The following SLC12A8 variants were observed in gnomAD, a reference collection of about 807,000 sequenced individuals.
The protein encoded by SLC12A8 is cation-chloride cotransporter 9.
SLC12A8 carries 69 observed loss-of-function variants against 75.6 expected under a neutral mutation model. The observed-to-expected ratio is 0.91, with a 90% CI of 0.75 to 1.11. The LOEUF is 1.11. Ranked by LOEUF, SLC12A8 falls within the 50% of genes most tolerant of loss-of-function variation. The pLI, the probability that SLC12A8 is intolerant of heterozygous loss-of-function variation, is 0.00. For missense variants in SLC12A8, 877 were observed against 896.7 expected, an observed-to-expected ratio of 0.98 and a Z score of 0.28; for synonymous variants, 365 against 372.8, an observed-to-expected ratio of 0.98 and a Z score of 0.24.
chr3:125,134,776 C>T (rs1041478875), intron 6 of SLC12A8, among the ~76,000 whole-genome samples: 32 of 152,204 alleles, frequency 2.1e-4, no homozygotes, highest in Non-Finnish European at 3.5e-4. Context: ...CCTTCTTTTT[C>T]TGTCCCTATC....
At chr3:125,193,685 C>T (rs2107798028) in intron 2 of SLC12A8, among the ~76,000 whole-genome samples, 2 of 152,318 alleles carry the variant, frequency 1.3e-5, no homozygotes, top group East Asian at 3.9e-4. Flanking sequence ...ACTGGATTCT[C>T]CTGAGTCTGC....
At chr3:125,169,755 C>G (rs1428052961) in intron 5 of SLC12A8, among the ~76,000 whole-genome samples, 1 of 152,114 alleles carries the variant, frequency 6.6e-6, no homozygotes, top group Non-Finnish European at 1.5e-5. Context: ...TCCAATGAAA[C>G]AACGCAGTTT....
intron 8 of SLC12A8, among the ~76,000 whole-genome samples, chr3:125,115,397 C>A (rs1232600007): frequency 1.3e-5 from 2 of 152,078 alleles, no homozygotes; most frequent in African/African-American, 4.8e-5. Context: ...GTGGCATGTG[C>A]CTGTAATCCC....
At chr3:125,174,073 C>T (rs975835656) in intron 5 of SLC12A8, among the ~76,000 whole-genome samples, 1 of 152,162 alleles carries the variant, frequency 6.6e-6, no homozygotes, top group African/African-American at 2.4e-5. Context: ...GCCTGGGTGA[C>T]AGAACAAGAC....
chr3:125,187,427 C>A lies in SLC12A8; in HGVS notation c.200G>T (p.Gly67Val), dbSNP rs774396530. 1.2e-6 allele frequency: 2 copies of A among 1,613,824 alleles called. No individual in the cohort carries two copies. The highest frequency in any genetic ancestry group is 8.5e-7 in the Non-Finnish European group (1 of 1,179,878). ...VLFLRTGWLVGNTGVLLGMFL... is the reference protein window; with the variant it reads ...VLFLRTGWLVVNTGVLLGMFL... ...CATGCCCAGGAGCACTCCTGTGTTTCCCTGCAGCAGAATAGCAAGGAGCAA... is the reference window on the plus strand; with the variant it reads ...CATGCCCAGGAGCACTCCTGTGTTTACCTGCAGCAGAATAGCAAGGAGCAA... The change falls in exon 4 of 14, where the codon GGA becomes GTA. Residue 67 changes from glycine (G) to valine (V), a missense_variant and splice_region_variant. Transcript: ENST00000469902.
intron 11 of SLC12A8, 34 bp downstream of exon 11, chr3:125,092,067 C>T: frequency 6.6e-7 from 1 of 1,505,760 alleles, no homozygotes; most frequent in Non-Finnish European, 9.2e-7. Context: ...AACTCTGTCC[C>T]AAGAACAACT....
chr3:125,104,858 T>C (rs1221002006), intron 10 of SLC12A8, among the ~76,000 whole-genome samples: 2 of 152,062 alleles, frequency 1.3e-5, no homozygotes, highest in African/African-American at 2.4e-5. Flanking sequence ...GGAATATAAA[T>C]GTAATGGCGT....
chr3:125,180,662 G>C (rs1412718965), intron 4 of SLC12A8, among the ~76,000 whole-genome samples: 1 of 152,154 alleles, frequency 6.6e-6, no homozygotes, highest in African/African-American at 2.4e-5. Flanking sequence ...CCGCACTCCA[G>C]CCTGGGCAGA....
intron 3 of SLC12A8, 114 bp from the exon 4 acceptor site, chr3:125,187,542 G>T: frequency 1.1e-6 from 1 of 921,614 alleles, no homozygotes; most frequent in Non-Finnish European, 1.7e-6. Flanking sequence ...AGGGGCCAGG[G>T]GTGGGGGCAC....
chr3:125,163,443 TA>T lies in SLC12A8; in HGVS notation c.622+14299del, dbSNP rs58384902. Reference sequence around the variant, plus strand: ...TAACACGGTGAAACCCCGTCTCTACTAAAAAAAAATAGAAAAAATTAGCCAG... The same window carrying T: ...TAACACGGTGAAACCCCGTCTCTACTAAAAAAAATAGAAAAAATTAGCCAG... On this transcript the variant is annotated intron_variant, in intron 5 of 13. Transcript: ENST00000469902. Among the ~76,000 whole-genome samples, 22 of 149,048 alleles carry T rather than the reference TA, an allele frequency of 1.5e-4. No homozygotes were observed. In the East Asian group the frequency reaches 3.0e-3, roughly 20 times the overall value.
chr3:125,105,126 G>GA (rs1008729819), intron 10 of SLC12A8, among the ~76,000 whole-genome samples: 5 of 140,714 alleles, frequency 3.6e-5, no homozygotes, highest in African/African-American at 1.1e-4. Context: ...AAATATCCCA[G>GA]AAAAAAACAA....
At chr3:125,191,454 C>T (rs532840800) in intron 2 of SLC12A8, among the ~76,000 whole-genome samples, 4 of 133,274 alleles carry the variant, frequency 3.0e-5, no homozygotes, top group Non-Finnish European at 6.1e-5. Flanking sequence ...TGACCACAAA[C>T]GACTACAGCA....
At chr3:125,157,047 C>CA (rs1177053228) in intron 5 of SLC12A8, among the ~76,000 whole-genome samples, 3 of 151,910 alleles carry the variant, frequency 2.0e-5, no homozygotes, top group Non-Finnish European at 4.4e-5. Flanking sequence ...TAGTACATTC[C>CA]ATCTGGGACT....
intron 10 of SLC12A8, among the ~76,000 whole-genome samples, chr3:125,097,934 A>C (rs1044755417): frequency 2.0e-5 from 3 of 152,218 alleles, no homozygotes; most frequent in Admixed American, 2.0e-4. Context: ...ACAAGCATGC[A>C]TCGTGCATGT....
At chr3:125,107,362 T>C in intron 10 of SLC12A8, 119 bp downstream of exon 10, 1 of 885,026 alleles carries the variant, frequency 1.1e-6, no homozygotes, top group East Asian at 2.4e-5. Flanking sequence ...AAACAAATAT[T>C]GCACAAAATT....
At chr3:125,116,421 A>G (rs907961774) in intron 8 of SLC12A8, among the ~76,000 whole-genome samples, 1 of 152,182 alleles carries the variant, frequency 6.6e-6, no homozygotes, top group African/African-American at 2.4e-5. Flanking sequence ...GGCCTGATGA[A>G]GCAGGTGCCC....
At chr3:125,163,329 C>T (rs1012242852) in intron 5 of SLC12A8, among the ~76,000 whole-genome samples, 54 of 151,342 alleles carry the variant, frequency 3.6e-4, no homozygotes, top group African/African-American at 1.3e-3. Context: ...AAAAGAAAGC[C>T]GGGTGCGGTG....
intron 6 of SLC12A8, among the ~76,000 whole-genome samples, chr3:125,125,003 T>TAGAG (rs1553788577): frequency 6.6e-6 from 1 of 152,180 alleles, no homozygotes; most frequent in Non-Finnish European, 1.5e-5. Flanking sequence ...AAACCTTAAT[T>TAGAG]AGAGAGGTTT....
chr3:125,117,432 G>A (rs1347095013), intron 8 of SLC12A8, among the ~76,000 whole-genome samples: 8 of 136,466 alleles, frequency 5.9e-5, no homozygotes, highest in Admixed American at 7.6e-5. Context: ...ACAAAAAATT[G>A]AAAAAAAAAA....
Sources: gnomAD v4.1 joint callset for allele counts (sites outside exome capture counted in the v4.1 genomes callset) on GRCh38, gnomAD v4.1.1 for gene constraint, MANE v1.5 for transcripts, NCBI Gene and HGNC (gene_info 2026-07-23, HGNC 2026-07-21) for gene names.